Variants in LMO2 observed in about 807,000 individuals in gnomAD.
LMO2 encodes the protein LIM domain only 2.
In LMO2, 20 loss-of-function variants were observed where a neutral mutation model predicts 23.2. That is an observed-to-expected ratio of 0.86 (90% confidence interval 0.61 to 1.25). The LOEUF is 1.25. LMO2 is among the 50% of genes most tolerant of loss of function. The pLI, the probability that LMO2 is intolerant of heterozygous loss-of-function variation, is 0.00. For missense variants in LMO2, 270 were observed against 315.3 expected, an observed-to-expected ratio of 0.86 and a Z score of 1.09; for synonymous variants, 123 against 130.2, an observed-to-expected ratio of 0.94 and a Z score of 0.38.
intron 1 of LMO2, among the ~76,000 whole-genome samples, chr11:33,882,806 A>G (rs919494072): frequency 3.3e-5 from 5 of 152,218 alleles, no homozygotes; most frequent in Non-Finnish European, 5.9e-5. Context: ...AGAAATTTCA[A>G]TAACTTTCCC....
At chr11:33,886,791 G>A (rs2133718317) in intron 1 of LMO2, among the ~76,000 whole-genome samples, 1 of 152,292 alleles carries the variant, frequency 6.6e-6, no homozygotes, top group Non-Finnish European at 1.5e-5. Flanking sequence ...CCACATGGTG[G>A]TAGGTGTCAG....
intron 4 of LMO2, among the ~76,000 whole-genome samples, chr11:33,867,917 T>C (rs1023668749): frequency 1.3e-5 from 2 of 152,218 alleles, no homozygotes; most frequent in African/African-American, 4.8e-5. Flanking sequence ...GTTACTATGA[T>C]CTTGCCCAGT....
At chr11:33,866,568 T>C (rs1856792124) in intron 4 of LMO2, among the ~76,000 whole-genome samples, 1 of 152,216 alleles carries the variant, frequency 6.6e-6, no homozygotes, top group African/African-American at 2.4e-5. Context: ...CCCAGGAAGT[T>C]GAGGCTGCAG....
chr11:33,860,892 G>A (rs573992617), intron 5 of LMO2, among the ~76,000 whole-genome samples: 106 of 152,320 alleles, frequency 7.0e-4, no homozygotes, highest in Non-Finnish European at 1.1e-3. Context: ...GAACACTTCC[G>A]GGGGACTGGT....
At chr11:33,869,276 GT>G in intron 4 of LMO2, 69 bp downstream of exon 4, 1 of 1,100,780 alleles carries the variant, frequency 9.1e-7, no homozygotes, top group Non-Finnish European at 1.1e-6. Flanking sequence ...GGCCGCCCGG[GT>G]CCCCCCGACG....
intron 5 of LMO2, among the ~76,000 whole-genome samples, chr11:33,862,878 T>C (rs1225171065): frequency 6.6e-6 from 1 of 152,092 alleles, no homozygotes. Context: ...TGCCTAGGAA[T>C]GTGGCAGGGA....
chr11:33,869,480 G>C lies in LMO2; in HGVS notation c.114C>G (p.Ala38=). 1 of 1,207,884 alleles carries C rather than the reference G, an allele frequency of 8.3e-7. No individual in the cohort carries two copies. The highest frequency in any genetic ancestry group is 1.0e-6 in the Non-Finnish European group (1 of 969,072). 74.8% of individuals were successfully genotyped at this position (1,207,884 alleles called of 1,614,324 possible). ...GGGCTCGGACCCCCTCGGGTGCTCG[G>C]GCGCCGCCGCCGCCGCCGCCGTCGC... The part of the protein sequence containing the change: ...SGGDGGGGGG[A]RAPEGVRAPA... Residue 38 remains alanine, a synonymous_variant, in exon 4 of 6, where the codon GCC becomes GCG. Coordinates refer to ENST00000257818, the MANE Select transcript of LMO2 (RefSeq NM_005574.4).
chr11:33,864,964 G>T lies in LMO2; in HGVS notation c.249-147C>A. ...AAGGGACAGGACAACACATCCCTTG[G>T]CCAGACTGCAGAGTCCCAACCAACC... On this transcript the variant is annotated intron_variant, in intron 4 of 5. Transcript: ENST00000257818. The surrounding 1 kb of genome is among the most constrained non-coding windows in gnomAD (Gnocchi z 4.8). 1.4e-6 allele frequency: 1 copy of T among 735,022 alleles called. No homozygotes were observed. Among genetic ancestry groups the T allele is most frequent in the Non-Finnish European group, 2.4e-6 (1 of 422,610 alleles). 45.5% of individuals were successfully genotyped at this position (735,022 alleles called of 1,614,324 possible). A position where few individuals can be genotyped will look rare whatever the true frequency, so the allele number is the denominator to read the frequency against.
At chr11:33,874,885 CCAAA>C (rs1200860000) in intron 2 of LMO2, among the ~76,000 whole-genome samples, 1 of 152,222 alleles carries the variant, frequency 6.6e-6, no homozygotes, top group Non-Finnish European at 1.5e-5. Flanking sequence ...AAAAAAGAAG[CCAAA>C]CAAAGCACTG....
At position 33,877,435 on chromosome 11, in the gene LMO2, T is replaced by C. The variant is rs183027405; in HGVS notation, c.-272+4389A>G. Among the ~76,000 whole-genome samples, 499 of 150,936 alleles carry C rather than the reference T, an allele frequency of 3.3e-3. 3 individuals carry two copies. The highest frequency in any genetic ancestry group is 0.012 in the African/African-American group (484 of 41,118). ...GTGATTCTGACCTTTCTGATAGCAC[T>C]TGCCCCTACAAGCTGTCTCCAGATT... On this transcript the variant is annotated intron_variant, in intron 2 of 5. Coordinates refer to ENST00000257818, the MANE Select transcript of LMO2 (RefSeq NM_005574.4).
rs979592305 is a variant in LMO2, at chr11:33,869,794, C to T, written c.-78G>A. 3.5e-6 allele frequency: 4 copies of T among 1,129,296 alleles called. No individual in the cohort carries two copies. The highest frequency in any genetic ancestry group is 3.2e-6 in the Non-Finnish European group (3 of 923,258). The allele number at this position is 1,129,296 out of a possible 1,614,324, so 70.0% of individuals were successfully genotyped here. A position where few individuals can be genotyped will look rare whatever the true frequency, so the allele number is the denominator to read the frequency against. On this transcript the variant is annotated 5_prime_UTR_variant, in exon 3 of 6. Transcript: ENST00000257818. ...CCGCGCCGCCCGCGGGGATGGTGTG[C>T]GCCCGCCCGGCCGCCCGGAGCCCCT... is the stretch of plus-strand genomic sequence containing the variant.
chr11:33,884,049 T>C (rs1857347114), intron 1 of LMO2, among the ~76,000 whole-genome samples: 2 of 152,142 alleles, frequency 1.3e-5, no homozygotes, highest in Non-Finnish European at 2.9e-5. Flanking sequence ...TTCTCTCCCA[T>C]TTAAAAGCCT....
intron 1 of LMO2, among the ~76,000 whole-genome samples, chr11:33,888,193 G>A (rs1363326584): frequency 6.6e-6 from 1 of 152,196 alleles, no homozygotes; most frequent in Admixed American, 6.5e-5. Context: ...ACTCACGCAA[G>A]CGCATTCGTA....
intron 5 of LMO2, among the ~76,000 whole-genome samples, chr11:33,862,555 C>T (rs1388173999): frequency 6.6e-6 from 1 of 152,120 alleles, no homozygotes; most frequent in African/African-American, 2.4e-5. Context: ...CGGAAAAGAA[C>T]TGTAACAGGC....
At chr11:33,862,573 C>A (rs1184220567) in intron 5 of LMO2, among the ~76,000 whole-genome samples, 1 of 149,662 alleles carries the variant, frequency 6.7e-6, no homozygotes, top group East Asian at 2.0e-4. Flanking sequence ...GGCAACTCAG[C>A]CATTGGAAAT....
intron 4 of LMO2, among the ~76,000 whole-genome samples, chr11:33,866,500 GTGGCA>G (rs1213559868): frequency 6.6e-6 from 1 of 152,152 alleles, no homozygotes; most frequent in Non-Finnish European, 1.5e-5. Flanking sequence ...CCCAGGCTTG[GTGGCA>G]TGAGCCAGTA....
chr11:33,875,538 G>A (rs7129330), intron 2 of LMO2, among the ~76,000 whole-genome samples: 116,062 of 149,042 alleles, frequency 0.78, 45,620 homozygotes, highest in East Asian at 0.97. Context: ...AGACCGTGCC[G>A]TTGCACTCAA....
intron 1 of LMO2, among the ~76,000 whole-genome samples, chr11:33,884,829 C>T (rs1361207915): frequency 6.6e-6 from 1 of 152,232 alleles, no homozygotes; most frequent in Non-Finnish European, 1.5e-5. Flanking sequence ...GCTGGCATAT[C>T]ATCTGGAGCT....
intron 2 of LMO2, among the ~76,000 whole-genome samples, chr11:33,875,610 A>G (rs1045520886): frequency 6.8e-6 from 1 of 147,470 alleles, no homozygotes; most frequent in East Asian, 2.0e-4. Context: ...TTGAGCACCC[A>G]TTGATAATTC....
Sources: allele counts gnomAD v4.1 joint callset (sites outside exome capture counted in the v4.1 genomes callset), GRCh38; gene constraint gnomAD v4.1.1; non-coding constraint Gnocchi (gnomAD v3.1); transcripts MANE v1.5; gene names NCBI Gene and HGNC (gene_info 2026-07-23, HGNC 2026-07-21).